EYA1: variants seen among roughly 807,000 people sequenced by gnomAD.
The protein encoded by EYA1 is EYA transcriptional coactivator and phosphatase 1.
EYA1 carries 16 observed loss-of-function variants against 82.0 expected under a neutral mutation model. The ratio of observed to expected loss-of-function variants is 0.20; its 90% CI spans 0.13 to 0.30. The LOEUF (loss-of-function observed/expected upper bound fraction) is 0.30. Among genes scored for constraint, EYA1 ranks in the 10% least tolerant of loss-of-function variants. The probability of loss-of-function intolerance (pLI) is 1.00; values close to 1 mark genes in which losing one functional copy is unlikely to be tolerated. For missense variants in EYA1, 633 were observed against 730.7 expected, an observed-to-expected ratio of 0.87 and a Z score of 1.54; for synonymous variants, 261 against 264.4, an observed-to-expected ratio of 0.99 and a Z score of 0.12.
intron 2 of EYA1, among the ~76,000 whole-genome samples, chr8:71,396,563 C>T (rs1165316085): frequency 6.6e-6 from 1 of 152,184 alleles, no homozygotes; most frequent in Non-Finnish European, 1.5e-5. Context: ...AGTAGTCATT[C>T]AGGAGCAGTT....
At chr8:71,246,796 G>A (rs962657488) in intron 11 of EYA1, among the ~76,000 whole-genome samples, 2 of 152,168 alleles carry the variant, frequency 1.3e-5, no homozygotes, top group Non-Finnish European at 2.9e-5. Flanking sequence ...GAAAGGGTGG[G>A]AGATGGGAGC....
intron 9 of EYA1, among the ~76,000 whole-genome samples, chr8:71,275,891 T>G (rs979249358): frequency 6.6e-6 from 1 of 152,216 alleles, no homozygotes. Context: ...GCTGACCACT[T>G]GCTCCTTTAA....
At chr8:71,303,045 T>C (rs1028780392) in intron 7 of EYA1, among the ~76,000 whole-genome samples, 2 of 142,502 alleles carry the variant, frequency 1.4e-5, no homozygotes, top group African/African-American at 5.0e-5. Flanking sequence ...CATTCCAGCC[T>C]AACCCTAGTA....
chr8:71,538,031 C>G (rs1475399018), intron 1 of EYA1, among the ~76,000 whole-genome samples: 2 of 152,212 alleles, frequency 1.3e-5, no homozygotes, highest in Non-Finnish European at 2.9e-5. Context: ...CAAAAAATCA[C>G]AGCGAGCCGT....
intron 2 of EYA1, among the ~76,000 whole-genome samples, chr8:71,513,778 A>C (rs1271902481): frequency 6.6e-6 from 1 of 151,702 alleles, no homozygotes; most frequent in Non-Finnish European, 1.5e-5. Context: ...CCAGCCTTCT[A>C]CTCTATGATG....
intron 2 of EYA1, among the ~76,000 whole-genome samples, chr8:71,530,164 T>C (rs1814150528): frequency 6.6e-6 from 1 of 152,128 alleles, no homozygotes; most frequent in African/African-American, 2.4e-5. Context: ...ACTGGTGTCT[T>C]TATAAGAAGA....
chr8:71,312,477 C>T (rs1821447252), intron 7 of EYA1, among the ~76,000 whole-genome samples: 1 of 152,186 alleles, frequency 6.6e-6, no homozygotes, highest in Admixed American at 6.5e-5. Context: ...AACACAGTCT[C>T]ACTCCATTGC....
At chr8:71,258,067 T>C (rs1347531957) in intron 11 of EYA1, among the ~76,000 whole-genome samples, 1 of 152,172 alleles carries the variant, frequency 6.6e-6, no homozygotes, top group Non-Finnish European at 1.5e-5. Flanking sequence ...GTTTTACCCT[T>C]AGTGGATTTA....
intron 2 of EYA1, among the ~76,000 whole-genome samples, chr8:71,523,173 C>CTTTTTTTTTTTTTTTTTTTTTTTTTTTT (rs201950125): frequency 1.8e-5 from 2 of 110,826 alleles, no homozygotes; most frequent in African/African-American, 3.7e-5. Context: ...TTTCTTTTTT[C>CTTTTTTTTTTTTTTTTTTTTTTTTTTTT]TTTTTCTTTT....
chr8:71,487,750 A>T (rs1042433017), intron 2 of EYA1, among the ~76,000 whole-genome samples: 2 of 152,248 alleles, frequency 1.3e-5, no homozygotes, highest in African/African-American at 2.4e-5. Context: ...AAGAAAAGAC[A>T]AATTAAATCA....
intron 11 of EYA1, among the ~76,000 whole-genome samples, chr8:71,267,669 T>C (rs571788656): frequency 1.3e-4 from 20 of 152,206 alleles, no homozygotes; most frequent in African/African-American, 2.4e-4. Context: ...CTGCCTCAGC[T>C]TCCTGAGTAG....
At chr8:71,388,358 A>G (rs1216950672) in intron 2 of EYA1, among the ~76,000 whole-genome samples, 2 of 152,182 alleles carry the variant, frequency 1.3e-5, no homozygotes, top group African/African-American at 4.8e-5. Flanking sequence ...GCAAATGCAT[A>G]CAACTCTTGT....
intron 17 of EYA1, among the ~76,000 whole-genome samples, chr8:71,201,989 G>A: frequency 6.6e-6 from 1 of 152,168 alleles, no homozygotes; most frequent in South Asian, 2.1e-4. Context: ...AAAGGATGCT[G>A]AAAGCTCTTC....
At chr8:71,221,750 C>T (rs868206768) in intron 12 of EYA1, among the ~76,000 whole-genome samples, 36 of 152,276 alleles carry the variant, frequency 2.4e-4, no homozygotes, top group African/African-American at 8.7e-4. Flanking sequence ...ATGGTCCACA[C>T]CTGTTGCACT....
chr8:71,295,993 T>A (rs778248540), intron 9 of EYA1, among the ~76,000 whole-genome samples: 9 of 152,022 alleles, frequency 5.9e-5, no homozygotes. Context: ...ATAAATAAAT[T>A]AAAATCTCAT....
chr8:71,315,418 G>A (rs1328176341), intron 7 of EYA1, among the ~76,000 whole-genome samples: 1 of 152,156 alleles, frequency 6.6e-6, no homozygotes, highest in Non-Finnish European at 1.5e-5. Context: ...TCTGGGCAGG[G>A]CACTTCACTT....
intron 2 of EYA1, among the ~76,000 whole-genome samples, chr8:71,412,953 G>A (rs983733920): frequency 1.1e-4 from 16 of 152,178 alleles, no homozygotes; most frequent in African/African-American, 3.9e-4. Context: ...GCTAGGATAG[G>A]GAGTTCCAAG....
intron 12 of EYA1, among the ~76,000 whole-genome samples, chr8:71,219,765 A>T (rs1185594154): frequency 3.9e-5 from 6 of 152,216 alleles, no homozygotes; most frequent in Non-Finnish European, 7.3e-5. Flanking sequence ...ACCTGTTGTA[A>T]GTCCAGCAGC....
intron 7 of EYA1, among the ~76,000 whole-genome samples, chr8:71,305,741 T>C (rs1329436623): frequency 6.6e-6 from 1 of 152,160 alleles, no homozygotes; most frequent in Non-Finnish European, 1.5e-5. Flanking sequence ...GACACTCATT[T>C]CCACAACAGG....
Sources: allele counts gnomAD v4.1 joint callset (sites outside exome capture counted in the v4.1 genomes callset), GRCh38; gene constraint gnomAD v4.1.1; transcripts MANE v1.5; gene names NCBI Gene and HGNC (gene_info 2026-07-23, HGNC 2026-07-21).